TRAF5: variants seen among roughly 807,000 people sequenced by gnomAD.
TRAF5 encodes TNF receptor associated factor 5.
A neutral mutation model predicts 64.5 loss-of-function variants in TRAF5; 48 were observed. The observed-to-expected ratio is 0.74, with a 90% CI of 0.59 to 0.95. The LOEUF is 0.95. TRAF5 is among the 40% of genes least tolerant of loss of function. The pLI, the probability that TRAF5 is intolerant of heterozygous loss-of-function variation, is 0.00. For missense variants in TRAF5, 545 were observed against 662.8 expected (o/e 0.82, Z 1.95); for synonymous variants, 206 against 240.5 (o/e 0.86, Z 1.33).
chr1:211,350,265 A>G (rs1405519044), intron 1 of TRAF5, among the ~76,000 whole-genome samples: 1 of 142,398 alleles, frequency 7.0e-6, no homozygotes, highest in Non-Finnish European at 1.5e-5. Flanking sequence ...CCCGGGCTGG[A>G]GTGCAGTGGC....
intron 1 of TRAF5, among the ~76,000 whole-genome samples, chr1:211,340,351 C>A (rs932445940): frequency 3.3e-5 from 5 of 152,174 alleles, no homozygotes; most frequent in Non-Finnish European, 2.9e-5. Context: ...GTGGCACAAT[C>A]CCGGCTCACT....
At chr1:211,369,869 A>C (rs1572095082) in intron 9 of TRAF5, among the ~76,000 whole-genome samples, 1 of 152,192 alleles carries the variant, frequency 6.6e-6, no homozygotes. Flanking sequence ...TGCTCTCTCT[A>C]AACCATTTGC....
chr1:211,330,867 C>T (rs192242427), intron 1 of TRAF5, among the ~76,000 whole-genome samples: 2 of 152,326 alleles, frequency 1.3e-5, no homozygotes, highest in African/African-American at 4.8e-5. Context: ...GATTTCAATT[C>T]TCTGTGCTTC....
At chr1:211,367,721 C>A (rs761510191) in intron 8 of TRAF5, among the ~76,000 whole-genome samples, 22 of 152,088 alleles carry the variant, frequency 1.4e-4, no homozygotes, top group Non-Finnish European at 2.5e-4. Flanking sequence ...AAGGAGTTTG[C>A]TTTTGGTCAG....
At chr1:211,351,009 C>T (rs1328223311) in intron 1 of TRAF5, among the ~76,000 whole-genome samples, 3 of 150,018 alleles carry the variant, frequency 2.0e-5, no homozygotes, top group Non-Finnish European at 4.4e-5. Flanking sequence ...CCATTCCCTG[C>T]TCTCTCTGTC....
rs189074772 is a variant in TRAF5 at position 211,335,250 on chromosome 1, G to A, written c.-2+8361G>A. 9.7e-4 allele frequency among the ~76,000 whole-genome samples: 148 copies of A among 152,242 alleles called. 1 individual carries two copies. Among genetic ancestry groups the A allele is most frequent in the Middle Eastern group, 6.8e-3 (2 of 294 alleles). The stretch of plus-strand genomic sequence containing the variant: ...AGCTGTGGTACCTCAAACACCTTGT[G>A]TCATCCCCTCAGCTTTGGGTTCCCG... On this transcript the variant is annotated intron_variant, in intron 1 of 10. Coordinates refer to ENST00000261464, the MANE Select transcript of TRAF5 (RefSeq NM_001033910.3).
chr1:211,346,388 G>C (rs1702607637), intron 1 of TRAF5: 1 of 985,400 alleles, frequency 1.0e-6, no homozygotes, highest in South Asian at 4.7e-5. Flanking sequence ...CAGATGAGTG[G>C]GCTGTGGGGT....
At position 211,372,227 on chromosome 1, in the gene TRAF5, CTT is replaced by C; in HGVS notation, c.1200_1201del (p.Cys401LeufsTer2). On this transcript the variant is annotated frameshift_variant, in exon 11 of 11. Transcript: ENST00000261464. LOFTEE classifies it high-confidence loss of function. ...GAGCGATTTAAACTGCTGGAGGGTA[CTT>C]GCTATAATGGAAAGCTCATTTGGAA... is the stretch of plus-strand genomic sequence containing the variant. The C allele has an allele frequency of 6.2e-7, 1 of 1,613,634 alleles. No individual in the cohort carries two copies. Among genetic ancestry groups the C allele is most frequent in the Non-Finnish European group, 8.5e-7 (1 of 1,179,966 alleles).
At chr1:211,370,500 C>T (rs1253451318) in intron 9 of TRAF5, among the ~76,000 whole-genome samples, 2 of 151,920 alleles carry the variant, frequency 1.3e-5, no homozygotes, top group Non-Finnish European at 2.9e-5. Flanking sequence ...CACAGATGCT[C>T]CTTGACTTAC....
chr1:211,345,847 C>T (rs1428881430), intron 1 of TRAF5, among the ~76,000 whole-genome samples: 1 of 152,194 alleles, frequency 6.6e-6, no homozygotes, highest in Non-Finnish European at 1.5e-5. Context: ...GATCCCCTGG[C>T]TTGCCCCTCT....
At chr1:211,344,034 TCTC>T (rs1259857168) in intron 1 of TRAF5, among the ~76,000 whole-genome samples, 1 of 152,082 alleles carries the variant, frequency 6.6e-6, no homozygotes, top group Admixed American at 6.6e-5. Flanking sequence ...AATCTAAAGG[TCTC>T]CTGGATACCT....
intron 9 of TRAF5, among the ~76,000 whole-genome samples, chr1:211,370,655 G>A (rs1250237312): frequency 3.3e-5 from 5 of 152,074 alleles, no homozygotes; most frequent in Non-Finnish European, 5.9e-5. Context: ...CTACAGTTGG[G>A]CAGTCATCTA....
intron 1 of TRAF5, among the ~76,000 whole-genome samples, chr1:211,348,567 T>C (rs556887283): frequency 1.3e-5 from 2 of 152,222 alleles, no homozygotes; most frequent in East Asian, 3.9e-4. Context: ...CAAGATCCTC[T>C]AGATTTTATC....
chr1:211,328,538 G>A (rs1447207676), intron 1 of TRAF5, among the ~76,000 whole-genome samples: 1 of 152,130 alleles, frequency 6.6e-6, no homozygotes, highest in African/African-American at 2.4e-5. Context: ...GCTGGACTTG[G>A]GTAGTAGGGC....
intron 5 of TRAF5, 109 bp from the exon 6 acceptor site, chr1:211,360,592 TC>T: frequency 1.3e-6 from 1 of 789,318 alleles, no homozygotes; most frequent in East Asian, 2.5e-5. Flanking sequence ...GGCAATAACT[TC>T]CTGTAGAGAG....
At chr1:211,356,000 T>G (rs1702950200) in intron 3 of TRAF5, among the ~76,000 whole-genome samples, 1 of 152,202 alleles carries the variant, frequency 6.6e-6, no homozygotes, top group Non-Finnish European at 1.5e-5. Flanking sequence ...CAGCACAGCC[T>G]CAGTGACACT....
At chr1:211,345,175 C>G (rs1242999987) in intron 1 of TRAF5, among the ~76,000 whole-genome samples, 1 of 152,118 alleles carries the variant, frequency 6.6e-6, no homozygotes, top group Admixed American at 6.5e-5. Flanking sequence ...CCTCGGCCTC[C>G]CAGAGTGCTG....
At position 211,353,354 on chromosome 1, in the gene TRAF5, T is replaced by C; in HGVS notation, c.115T>C (p.Leu39=). Reference sequence around the variant, plus strand: ...TATAGAGTACCAGTTTGTGGAGCGGTTGGAAGAGCGCTACAAATGTGCCTT... The same window carrying C: ...TATAGAGTACCAGTTTGTGGAGCGGCTGGAAGAGCGCTACAAATGTGCCTT... ...PSIEYQFVER[L]EERYKCAFCH... is the part of the protein sequence containing the mutation. Residue 39 remains leucine (L), a synonymous_variant, in exon 2 of 11, where the codon TTG becomes CTG. Transcript: ENST00000261464. 2 of 1,614,180 alleles carry C rather than the reference T, an allele frequency of 1.2e-6. No individual in the cohort carries two copies. Among genetic ancestry groups the C allele is most frequent in the Non-Finnish European group, 1.7e-6 (2 of 1,180,026 alleles).
chr1:211,338,964 C>A (rs754858752), intron 1 of TRAF5, among the ~76,000 whole-genome samples: 6 of 152,208 alleles, frequency 3.9e-5, no homozygotes, highest in Non-Finnish European at 7.3e-5. Context: ...AGCAGTCTGG[C>A]CCCAGAGCTG....
Sources: allele counts gnomAD v4.1 joint callset (sites outside exome capture counted in the v4.1 genomes callset), GRCh38; gene constraint gnomAD v4.1.1; transcripts MANE v1.5; gene names NCBI Gene and HGNC (gene_info 2026-07-23, HGNC 2026-07-21).